CAMK4: variants seen among roughly 807,000 people sequenced by gnomAD.
CAMK4 encodes the protein calcium/calmodulin-dependent protein kinase type IV.
CAMK4 carries 22 observed loss-of-function variants against 44.9 expected under a neutral mutation model. The observed-to-expected ratio is 0.49, with a 90% confidence interval of 0.35 to 0.70. The LOEUF (loss-of-function observed/expected upper bound fraction) is 0.70. Ranked by LOEUF, CAMK4 falls within the 30% of genes least tolerant of loss-of-function variation. CAMK4 has a pLI of 0.01. For missense variants in CAMK4, 498 were observed against 586.8 expected, an observed-to-expected ratio of 0.85 and a Z score of 1.56; for synonymous variants, 218 against 215.4, an observed-to-expected ratio of 1.01 and a Z score of -0.11.
chr5:111,229,970 A>C (rs1470783038), intron 1 of CAMK4, among the ~76,000 whole-genome samples: 1 of 152,174 alleles, frequency 6.6e-6, no homozygotes, highest in Non-Finnish European at 1.5e-5. Context: ...AGCACTTAGT[A>C]CTTAACAGGT....
At chr5:111,389,595 G>A (rs1751728140) in intron 4 of CAMK4, among the ~76,000 whole-genome samples, 1 of 152,192 alleles carries the variant, frequency 6.6e-6, no homozygotes, top group Admixed American at 6.5e-5. Context: ...AGTGCCATTT[G>A]CATGAGTAGT....
At chr5:111,285,804 A>G (rs1482978542) in intron 1 of CAMK4, among the ~76,000 whole-genome samples, 1 of 152,176 alleles carries the variant, frequency 6.6e-6, no homozygotes, top group African/African-American at 2.4e-5. Context: ...CTACTCTATC[A>G]TTGGGTAGTT....
chr5:111,413,603 C>G (rs1338455938), intron 5 of CAMK4, among the ~76,000 whole-genome samples: 1 of 151,382 alleles, frequency 6.6e-6, no homozygotes, highest in African/African-American at 2.4e-5. Flanking sequence ...TATTATGGAG[C>G]TAAAGCTATG....
chr5:111,473,255 T>G lies in CAMK4; in HGVS notation c.626-56T>G, dbSNP rs969349265. On this transcript the variant is annotated intron_variant, in intron 7 of 10. Transcript: ENST00000282356. The stretch of plus-strand genomic sequence containing the variant: ...TTATTTCTTTCCCATTGCTTGATAT[T>G]AAAATATAAATATTGACTAAGCTCT... The G allele has an allele frequency of 1.1e-5, 12 of 1,131,432 alleles. No homozygotes were observed. In the African/African-American group the frequency reaches 1.7e-4, roughly 16 times the overall value. 70.1% of individuals were successfully genotyped at this position (1,131,432 alleles called of 1,614,324 possible). A position where few individuals can be genotyped will look rare whatever the true frequency, so the allele number is the denominator to read the frequency against.
At chr5:111,450,538 AGCACTTTCGGAG>A (rs1470478076) in intron 7 of CAMK4, among the ~76,000 whole-genome samples, 1 of 139,990 alleles carries the variant, frequency 7.1e-6, no homozygotes, top group Non-Finnish European at 1.5e-5. Context: ...CTATAATCCC[AGCACTTTCGGAG>A]GCCGAGGTGG....
intron 1 of CAMK4, among the ~76,000 whole-genome samples, chr5:111,257,590 A>G (rs1417928781): frequency 6.6e-6 from 1 of 152,188 alleles, no homozygotes; most frequent in Non-Finnish European, 1.5e-5. Flanking sequence ...CAGTGTGGCA[A>G]TTCCTCAAAG....
chr5:111,402,394 G>T (rs1752260666), intron 5 of CAMK4, among the ~76,000 whole-genome samples: 1 of 152,240 alleles, frequency 6.6e-6, no homozygotes, highest in African/African-American at 2.4e-5. Context: ...CTACTAAAGT[G>T]CATGAAATGG....
chr5:111,384,685 C>T (rs1005436169), intron 4 of CAMK4, among the ~76,000 whole-genome samples: 2 of 152,150 alleles, frequency 1.3e-5, no homozygotes, highest in Non-Finnish European at 2.9e-5. Context: ...AATTCTTCCT[C>T]TGAGCAGCTT....
intron 2 of CAMK4, among the ~76,000 whole-genome samples, chr5:111,367,751 C>T (rs929174840): frequency 1.3e-5 from 2 of 152,040 alleles, no homozygotes; most frequent in Non-Finnish European, 2.9e-5. Flanking sequence ...ACCCATGGGC[C>T]AAATTTCAGC....
chr5:111,394,947 G>A (rs1751941127), intron 5 of CAMK4, among the ~76,000 whole-genome samples, 165 bp downstream of exon 5: 1 of 152,028 alleles, frequency 6.6e-6, no homozygotes, highest in African/African-American at 2.4e-5. Context: ...GGTGGCTCAA[G>A]CCTGTAATCT....
intron 5 of CAMK4, among the ~76,000 whole-genome samples, chr5:111,407,679 G>T (rs761578162): frequency 9.2e-5 from 14 of 152,148 alleles, no homozygotes; most frequent in Non-Finnish European, 1.6e-4. Flanking sequence ...CTGTTCTTAT[G>T]ATATTCAATG....
chr5:111,279,218 GATGAAT>G (rs1750901562), intron 1 of CAMK4, among the ~76,000 whole-genome samples: 1 of 152,200 alleles, frequency 6.6e-6, no homozygotes, highest in Non-Finnish European at 1.5e-5. Context: ...GGGATAGAAT[GATGAAT>G]ATTACTGGAG....
chr5:111,396,377 G>A (rs891087871), intron 5 of CAMK4, among the ~76,000 whole-genome samples: 1 of 151,978 alleles, frequency 6.6e-6, no homozygotes, highest in Non-Finnish European at 1.5e-5. Context: ...TCTTCTCACT[G>A]TACCCAAATA....
chr5:111,489,687 T>G lies in CAMK4; in HGVS notation c.*5221T>G, dbSNP rs903534764. ...TGCTCTAGAGAAGACTCCAGGCATC[T>G]ACCTGGTTGAGCTCAAATGAGGCAA... On this transcript the variant is annotated 3_prime_UTR_variant, in exon 11 of 11. Transcript: ENST00000282356. 1 of 152,250 alleles carries G rather than the reference T, an allele frequency of 6.6e-6. No homozygotes were observed. The highest frequency in any genetic ancestry group is 2.4e-5 in the African/African-American group (1 of 41,464). 9.4% of individuals were successfully genotyped at this position (152,250 alleles called of 1,614,324 possible).
At chr5:111,483,693 T>TAAAAAA in intron 10 of CAMK4, among the ~76,000 whole-genome samples, 1 of 152,210 alleles carries the variant, frequency 6.6e-6, no homozygotes, top group Non-Finnish European at 1.5e-5. Flanking sequence ...TAAAAACTAC[T>TAAAAAA]AACGTCCACA....
chr5:111,379,870 G>A (rs1302459745), intron 4 of CAMK4, among the ~76,000 whole-genome samples: 1 of 152,034 alleles, frequency 6.6e-6, no homozygotes, highest in Non-Finnish European at 1.5e-5. Context: ...AATCCAAGTA[G>A]AATCTGCTAT....
At chr5:111,408,854 T>A (rs548888061) in intron 5 of CAMK4, among the ~76,000 whole-genome samples, 5 of 152,168 alleles carry the variant, frequency 3.3e-5, no homozygotes, top group Admixed American at 6.5e-5. Context: ...TGAAATCCAA[T>A]GGGGCAGAAA....
intron 5 of CAMK4, among the ~76,000 whole-genome samples, chr5:111,406,606 A>G (rs1387734976): frequency 6.6e-6 from 1 of 152,114 alleles, no homozygotes; most frequent in Non-Finnish European, 1.5e-5. Flanking sequence ...AAAATAACAA[A>G]CTTTTTAAAG....
In CAMK4 at chr5:111,410,856, G is replaced by A. The variant is rs147594804; in HGVS notation, c.459+16074G>A. On this transcript the variant is annotated intron_variant, in intron 5 of 10. Transcript: ENST00000282356. ...ATTCTGTTAACTTCACTGCTTGACC[G>A]TGGAACTTTGATTTTATTATTATTA... Among the ~76,000 whole-genome samples the A allele has an allele frequency of 1.1e-4, 17 of 152,198 alleles. No homozygotes were observed. The East Asian group carries it at 1.9e-3, about 17-fold the overall frequency.
Sources: allele counts gnomAD v4.1 joint callset (sites outside exome capture counted in the v4.1 genomes callset), GRCh38; gene constraint gnomAD v4.1.1; transcripts MANE v1.5; gene names NCBI Gene and HGNC (gene_info 2026-07-23, HGNC 2026-07-21).